ZSWIM9: variants seen among roughly 807,000 people sequenced by gnomAD.
ZSWIM9 encodes zinc finger SWIM-type containing 9.
A neutral mutation model predicts 25.0 loss-of-function variants in ZSWIM9; 11 were observed. The observed-to-expected ratio is 0.44, with a 90% CI of 0.28 to 0.73. The LOEUF is 0.73. Among genes scored for constraint, ZSWIM9 ranks in the 30% least tolerant of loss-of-function variants. The pLI is 0.16. For missense variants in ZSWIM9, 1,070 were observed against 1,296.5 expected (o/e 0.83, Z 2.68); for synonymous variants, 562 against 582.1 (o/e 0.97, Z 0.50).
chr19:48,177,462 C>CA (rs2036904789), intron 2 of ZSWIM9, among the ~76,000 whole-genome samples: 1 of 152,160 alleles, frequency 6.6e-6, no homozygotes, highest in South Asian at 2.1e-4. Context: ...ACAAAATAGA[C>CA]AAAAATTCCT....
chr19:48,189,314 G>C (rs566026539), intron 3 of ZSWIM9: 1 of 152,092 alleles, frequency 6.6e-6, no homozygotes, highest in East Asian at 1.9e-4. Context: ...CACTAAAAAA[G>C]AATGAGAACT....
In ZSWIM9 at chr19:48,195,021, G is replaced by C. The variant is rs1239942943; in HGVS notation, c.957G>C (p.Ala319=). ...LPCARVQICR[A]QGLETLFSKA... is the part of the protein sequence containing the mutation. ...GCGCGCGCGTGCAGATCTGCCGCGC[G>C]CAGGGCCTGGAGACGCTCTTCAGCA... Residue 319 remains alanine, a synonymous_variant, in exon 4 of 4, where the codon GCG becomes GCC. Coordinates refer to ENST00000614654, the MANE Select transcript of ZSWIM9 (RefSeq NM_199341.4). The surrounding 1 kb of genome is among the most constrained non-coding windows in gnomAD (Gnocchi z 5.8). 26 of 1,366,952 alleles carry C rather than the reference G, an allele frequency of 1.9e-5. No individual in the cohort carries two copies. The highest frequency in any genetic ancestry group is 2.4e-5 in the Non-Finnish European group (26 of 1,067,794). The allele number at this position is 1,366,952 out of a possible 1,614,324, so 84.7% of individuals were successfully genotyped here.
chr19:48,183,095 G>GAATTAATTAATTAATT (rs3078208), intron 3 of ZSWIM9: 1 of 191,874 alleles, frequency 5.2e-6, no homozygotes, highest in Non-Finnish European at 1.1e-5. Flanking sequence ...CTGAGGAACT[G>GAATTAATTAATTAATT]AATTAATTAA....
chr19:48,184,512 A>G (rs935978446), intron 3 of ZSWIM9, among the ~76,000 whole-genome samples: 1 of 152,158 alleles, frequency 6.6e-6, no homozygotes, highest in African/African-American at 2.4e-5. Flanking sequence ...AAGGCAGGGT[A>G]AAGTCGAGAT....
rs758728745 is a variant in ZSWIM9 at position 48,197,418 on chromosome 19, A to G, written c.*591A>G. On this transcript the variant is annotated 3_prime_UTR_variant, in exon 4 of 4. Transcript: ENST00000614654. ...GGGAAGAAAAATCGGAGATGAGACA[A>G]AAGAAATGTGTGGGAGACGGGTAGA... 4 of 629,190 alleles carry G rather than the reference A, an allele frequency of 6.4e-6. No homozygotes were observed. Among genetic ancestry groups the G allele is most frequent in the Non-Finnish European group, 1.1e-5 (4 of 351,976 alleles). 39.0% of individuals were successfully genotyped at this position (629,190 alleles called of 1,614,324 possible).
chr19:48,194,761 C>T lies in ZSWIM9; in HGVS notation c.697C>T (p.Arg233Trp), dbSNP rs1246527339. 5 of 1,533,052 alleles carry T rather than the reference C, an allele frequency of 3.3e-6. No individual in the cohort carries two copies. The highest frequency in any genetic ancestry group is 2.0e-5 in the Admixed American group (1 of 50,780). The allele number at this position is 1,533,052 out of a possible 1,614,324, so 95.0% of individuals were successfully genotyped here. Residue 233 changes from arginine (R) to tryptophan (W), a missense_variant, in exon 4 of 4, where the codon CGG becomes TGG. Transcript: ENST00000614654. This position sits in a 1 kb window ranked among gnomAD's most constrained non-coding sequence, Gnocchi z 6.0. ...CTTCCCTCGCATGCTGCTGGTGGAC[C>T]GGCTGCCGGGGCTGCAGGGCGCGCT... ...RRFPRMLLVD[R>W]LPGLQGALDL...
intron 3 of ZSWIM9, among the ~76,000 whole-genome samples, chr19:48,186,968 G>A (rs1319218697): frequency 1.3e-5 from 2 of 152,116 alleles, no homozygotes; most frequent in Non-Finnish European, 2.9e-5. Flanking sequence ...GAGGGGAAAC[G>A]AGATTTGGAG....
rs778113871 is a variant in ZSWIM9, at chr19:48,182,434, C to T, written c.276-21C>T. The T allele has an allele frequency of 5.9e-5, 89 of 1,518,456 alleles. No individual in the cohort carries two copies. The highest frequency in any genetic ancestry group is 4.0e-4 in the African/African-American group (29 of 72,696). The allele number at this position is 1,518,456 out of a possible 1,614,324, so 94.1% of individuals were successfully genotyped here. On this transcript the variant is annotated intron_variant, in intron 2 of 3. Coordinates refer to ENST00000614654, the MANE Select transcript of ZSWIM9 (RefSeq NM_199341.4). This position sits in a 1 kb window ranked among gnomAD's most constrained non-coding sequence, Gnocchi z 4.6. ...GGGCAGCAGAGTGATGTGACCAGGG[C>T]GGTGGTGGTTCCTCCCACAGGCCTC...
At chr19:48,189,310 A>C (rs1256617396) in intron 3 of ZSWIM9, 1 of 152,110 alleles carries the variant, frequency 6.6e-6, no homozygotes, top group Non-Finnish European at 1.5e-5. Context: ...ACAGCACTAA[A>C]AAAGAATGAG....
At chr19:48,187,457 TTA>T (rs1398984903) in intron 3 of ZSWIM9, among the ~76,000 whole-genome samples, 5 of 50,104 alleles carry the variant, frequency 1.0e-4, no homozygotes, top group South Asian at 6.1e-4. Context: ...ATATTATATA[TTA>T]ATTATATATA....
chr19:48,184,514 A>G (rs932217945), intron 3 of ZSWIM9, among the ~76,000 whole-genome samples: 6 of 152,040 alleles, frequency 3.9e-5, no homozygotes, highest in Admixed American at 6.6e-5. Flanking sequence ...GGCAGGGTAA[A>G]GTCGAGATTC....
intron 2 of ZSWIM9, among the ~76,000 whole-genome samples, chr19:48,175,221 G>C (rs2036880164): frequency 1.3e-5 from 2 of 152,212 alleles, no homozygotes; most frequent in African/African-American, 4.8e-5. Context: ...CAGCCAAGGA[G>C]CAGGAGAGAC....
rs2036956196 is a variant in ZSWIM9, at chr19:48,182,372, T to TA, written c.276-83_276-82insA. The TA allele has an allele frequency of 3.1e-5, 32 of 1,028,238 alleles. No individual in the cohort carries two copies. Among genetic ancestry groups the TA allele is most frequent in the Non-Finnish European group, 4.0e-5 (30 of 754,960 alleles). The allele number at this position is 1,028,238 out of a possible 1,614,324, so 63.7% of individuals were successfully genotyped here. A position where few individuals can be genotyped will look rare whatever the true frequency, so the allele number is the denominator to read the frequency against. On this transcript the variant is annotated intron_variant, in intron 2 of 3. Transcript: ENST00000614654. The surrounding 1 kb of genome is among the most constrained non-coding windows in gnomAD (Gnocchi z 4.6). Reference sequence around the variant, plus strand: ...CTCTATGCCTGAAACAATTCTTAGTTTAAAAAAAAAAAAAAGGTGAGTGGA... The same window carrying TA: ...CTCTATGCCTGAAACAATTCTTAGTTATAAAAAAAAAAAAAAGGTGAGTGGA...
Position 48,182,822 on chromosome 19 carries a change from A to G in ZSWIM9, c.588+55A>G. On this transcript the variant is annotated intron_variant, in intron 3 of 3. Transcript: ENST00000614654. The surrounding 1 kb of genome is among the most constrained non-coding windows in gnomAD (Gnocchi z 4.6). ...AGGGGGCGGGGGAAAGCCGCGCTGAAGACTCGTGGGTCATTCATGCCTTCA... is the reference window on the plus strand; with the variant it reads ...AGGGGGCGGGGGAAAGCCGCGCTGAGGACTCGTGGGTCATTCATGCCTTCA... 1 of 1,321,618 alleles carries G rather than the reference A, an allele frequency of 7.6e-7. No individual in the cohort carries two copies. The highest frequency in any genetic ancestry group is 1.0e-6 in the Non-Finnish European group (1 of 972,740). The allele number at this position is 1,321,618 out of a possible 1,614,324, so 81.9% of individuals were successfully genotyped here.
rs1046908908 is a variant in ZSWIM9 at position 48,177,802 on chromosome 19, C to T, written c.276-4653C>T. The stretch of plus-strand genomic sequence containing the variant: ...TTGATAAATCAAACATGGCTGCACG[C>T]GGGGATTTCCTTTGCTTCCACCTGA... On this transcript the variant is annotated intron_variant, in intron 2 of 3. Transcript: ENST00000614654. Among the ~76,000 whole-genome samples, 102 of 152,292 alleles carry T rather than the reference C, an allele frequency of 6.7e-4. 2 individuals carry two copies. The highest frequency in any genetic ancestry group is 2.4e-3 in the African/African-American group (98 of 41,562).
At position 48,196,600 on chromosome 19, in the gene ZSWIM9, A is replaced by G. The variant is rs2037169489; in HGVS notation, c.2536A>G (p.Arg846Gly). Residue 846 changes from arginine to glycine, a missense_variant, in exon 4 of 4, where the codon AGG (arginine) becomes GGG (glycine). By Grantham distance (125) the Arg-to-Gly change is moderately radical. Coordinates refer to ENST00000614654, the MANE Select transcript of ZSWIM9 (RefSeq NM_199341.4). ...GGTGGCTGAGGAGTTGGCCTTTGCT[A>G]GGCAGCATGGGACCCGGGGTTTCCA... Reference protein sequence around the residue: ...DLVAEELAFARQHGTRGFHWT... With the variant: ...DLVAEELAFAGQHGTRGFHWT... 1.6e-6 allele frequency: 2 copies of G among 1,232,394 alleles called. No homozygotes were observed. The highest frequency in any genetic ancestry group is 4.2e-5 in the Admixed American group (1 of 23,720). The allele number at this position is 1,232,394 out of a possible 1,614,324, so 76.3% of individuals were successfully genotyped here.
At chr19:48,183,674 G>T (rs754380) in intron 3 of ZSWIM9, among the ~76,000 whole-genome samples, 26,092 of 146,200 alleles carry the variant, frequency 0.18, 2,860 homozygotes, top group African/African-American at 0.32. Context: ...GGATCTCACT[G>T]TCACCCAGGC....
chr19:48,171,420 G>A (rs2036806367), intron 1 of ZSWIM9: 5 of 981,878 alleles, frequency 5.1e-6, no homozygotes, highest in African/African-American at 1.7e-5. Context: ...TGGAAGGGGA[G>A]GAGGTTTTAG....
In ZSWIM9 at chr19:48,196,829, C is replaced by T. The variant is rs2037173365; in HGVS notation, c.*2C>T. ...TGGGGGAGAGCCCCAGAGCCCTGAC[C>T]CTTCATGCCTCTGCCCACCACCCTC... On this transcript the variant is annotated 3_prime_UTR_variant, in exon 4 of 4. Transcript: ENST00000614654. 1 of 1,240,652 alleles carries T rather than the reference C, an allele frequency of 8.1e-7. No homozygotes were observed. Among genetic ancestry groups the T allele is most frequent in the Non-Finnish European group, 1.0e-6 (1 of 993,258 alleles). 76.9% of individuals were successfully genotyped at this position (1,240,652 alleles called of 1,614,324 possible). A position where few individuals can be genotyped will look rare whatever the true frequency, so the allele number is the denominator to read the frequency against.
Sources: gnomAD v4.1 joint callset for allele counts (sites outside exome capture counted in the v4.1 genomes callset) on GRCh38, gnomAD v4.1.1 for gene constraint, Gnocchi (gnomAD v3.1) non-coding constraint, MANE v1.5 for transcripts, NCBI Gene and HGNC (gene_info 2026-07-23, HGNC 2026-07-21) for gene names.